HS2ST1: variants seen among roughly 807,000 people sequenced by gnomAD.
The protein encoded by HS2ST1 is 2-O-sulfotransferase.
HS2ST1 carries 18 observed loss-of-function variants against 42.9 expected under a neutral mutation model. The observed-to-expected ratio is 0.42, with a 90% CI of 0.29 to 0.62. HS2ST1 has a LOEUF of 0.62. HS2ST1 is among the 20% of genes least tolerant of loss of function. The probability of loss-of-function intolerance (pLI) is 0.21; values close to 1 mark genes in which losing one functional copy is unlikely to be tolerated. For synonymous variants in HS2ST1, 146 were observed against 152.9 expected (o/e 0.95, Z 0.33); for missense variants, 334 against 433.8 (o/e 0.77, Z 2.04).
At chr1:87,021,802 C>T (rs1456575419) in intron 1 of HS2ST1, among the ~76,000 whole-genome samples, 1 of 152,146 alleles carries the variant, frequency 6.6e-6, no homozygotes, top group Non-Finnish European at 1.5e-5. Flanking sequence ...AGGCATGAGC[C>T]ACCAAGCCAA....
intron 1 of HS2ST1, among the ~76,000 whole-genome samples, chr1:86,964,456 C>T (rs1010216491): frequency 3.3e-5 from 5 of 152,194 alleles, no homozygotes; most frequent in Non-Finnish European, 5.9e-5. Flanking sequence ...GCCAACACAG[C>T]GAAACCCCGT....
At chr1:86,918,303 CT>C (rs1161182713) in intron 1 of HS2ST1, among the ~76,000 whole-genome samples, 6 of 151,850 alleles carry the variant, frequency 4.0e-5, no homozygotes, top group Non-Finnish European at 4.4e-5. Flanking sequence ...ATGCGGCTTG[CT>C]TTTTTTGCCT....
chr1:87,057,848 C>T (rs535771794), intron 1 of HS2ST1, among the ~76,000 whole-genome samples: 1 of 151,032 alleles, frequency 6.6e-6, no homozygotes, highest in South Asian at 2.1e-4. Flanking sequence ...GAGACTCTGT[C>T]TCAAAAAAAG....
chr1:87,011,897 C>A (rs1346689354), intron 1 of HS2ST1, among the ~76,000 whole-genome samples: 2 of 152,164 alleles, frequency 1.3e-5, no homozygotes. Flanking sequence ...ATAGCTAGGA[C>A]ATACGGTTTT....
rs1054798268 is a variant in HS2ST1 at position 87,038,928 on chromosome 1, T to A, written c.125-34006T>A. ...AGCTTTGAGTATATTGCCGTTTTTT[T>A]AAAAAAGTAATCTATAATTTTAATA... On this transcript the variant is annotated intron_variant, in intron 1 of 6. Transcript: ENST00000370550. Among the ~76,000 whole-genome samples, 12 of 152,146 alleles carry A rather than the reference T, an allele frequency of 7.9e-5. 1 individual carries two copies. Among genetic ancestry groups the A allele is most frequent in the South Asian group, 2.1e-4 (1 of 4,836 alleles).
chr1:87,087,157 A>G (rs983630803), intron 3 of HS2ST1, among the ~76,000 whole-genome samples: 11 of 152,074 alleles, frequency 7.2e-5, no homozygotes, highest in African/African-American at 1.9e-4. Context: ...AATAGCATCT[A>G]TTAGCCCATT....
chr1:87,001,583 CTG>C (rs939673388), intron 1 of HS2ST1, among the ~76,000 whole-genome samples: 127 of 152,274 alleles, frequency 8.3e-4, no homozygotes, highest in African/African-American at 3.0e-3. Context: ...TTTAAAAAGA[CTG>C]TTTATGAAAA....
intron 1 of HS2ST1, among the ~76,000 whole-genome samples, chr1:87,058,439 A>G (rs1651031666): frequency 6.6e-6 from 1 of 151,400 alleles, no homozygotes; most frequent in Non-Finnish European, 1.5e-5. Flanking sequence ...AGCTAAGTGC[A>G]CTGTTTTGTT....
chr1:87,015,725 A>G (rs1649735729), intron 1 of HS2ST1, among the ~76,000 whole-genome samples: 1 of 152,132 alleles, frequency 6.6e-6, no homozygotes, highest in African/African-American at 2.4e-5. Flanking sequence ...CTTACTTTAC[A>G]TTTCTGGTTT....
chr1:86,937,211 G>T (rs1257862993), intron 1 of HS2ST1, among the ~76,000 whole-genome samples: 1 of 152,116 alleles, frequency 6.6e-6, no homozygotes, highest in African/African-American at 2.4e-5. Context: ...TATCAAAATT[G>T]TATGTTTATA....
chr1:86,998,722 A>G (rs1182695096), intron 1 of HS2ST1, among the ~76,000 whole-genome samples: 2 of 152,150 alleles, frequency 1.3e-5, no homozygotes, highest in Admixed American at 1.3e-4. Flanking sequence ...TGTTTAAAGC[A>G]TTTTCTATTG....
intron 1 of HS2ST1, among the ~76,000 whole-genome samples, chr1:86,962,895 C>T (rs530235272): frequency 1.3e-5 from 2 of 152,166 alleles, no homozygotes; most frequent in South Asian, 4.2e-4. Context: ...TCAGTAAGTT[C>T]CATAAGTGAA....
At chr1:87,063,870 T>C (rs1310320597) in intron 1 of HS2ST1, among the ~76,000 whole-genome samples, 2 of 152,192 alleles carry the variant, frequency 1.3e-5, no homozygotes, top group African/African-American at 4.8e-5. Context: ...GAATAAGTAT[T>C]TTATAGAAAC....
chr1:87,025,786 G>A (rs1399063914), intron 1 of HS2ST1, among the ~76,000 whole-genome samples: 4 of 151,954 alleles, frequency 2.6e-5, no homozygotes, highest in Non-Finnish European at 5.9e-5. Context: ...TGAATCTCTA[G>A]GAAACCTTTT....
chr1:87,072,952 A>T lies in HS2ST1; in HGVS notation c.143A>T (p.His48Leu), dbSNP rs983091583. The T allele has an allele frequency of 1.2e-6, 2 of 1,613,978 alleles. No individual in the cohort carries two copies. The highest frequency in any genetic ancestry group is 1.3e-5 in the African/African-American group (1 of 75,056). The change falls in exon 2 of 7, where the codon CAC becomes CTC. Residue 48 changes from histidine to leucine, a missense_variant. His to Leu is a moderately conservative substitution (Grantham distance 99, BLOSUM62 -3). Coordinates refer to ENST00000370550, the MANE Select transcript of HS2ST1 (RefSeq NM_012262.4). ...RSKLERAIARHEVREIEQRHT... is the reference protein window; with the variant it reads ...RSKLERAIARLEVREIEQRHT... ...TTTCCAGAAAGGGCTATTGCAAGAC[A>T]CGAAGTCCGAGAAATTGAGCAGCGA...
At chr1:87,018,387 G>A (rs911962659) in intron 1 of HS2ST1, among the ~76,000 whole-genome samples, 1 of 152,148 alleles carries the variant, frequency 6.6e-6, no homozygotes, top group Non-Finnish European at 1.5e-5. Flanking sequence ...ATGGTCATCT[G>A]CACTCAATGG....
chr1:86,986,685 AG>A (rs1224687330), intron 1 of HS2ST1, among the ~76,000 whole-genome samples: 19 of 152,118 alleles, frequency 1.2e-4, no homozygotes, highest in Admixed American at 9.2e-4. Flanking sequence ...AGGATGGAGG[AG>A]TGGGAAGCAT....
At chr1:86,958,919 A>G (rs564130060) in intron 1 of HS2ST1, among the ~76,000 whole-genome samples, 6 of 152,336 alleles carry the variant, frequency 3.9e-5, no homozygotes, top group African/African-American at 1.4e-4. Flanking sequence ...CCAGGTATGC[A>G]AGGCTGGTTC....
chr1:86,949,309 A>G (rs1647433035), intron 1 of HS2ST1, among the ~76,000 whole-genome samples: 1 of 152,180 alleles, frequency 6.6e-6, no homozygotes, highest in South Asian at 2.1e-4. Context: ...GGGTTTCGCC[A>G]TGTTGGCCAG....
Sources: allele counts gnomAD v4.1 joint callset (sites outside exome capture counted in the v4.1 genomes callset), GRCh38; gene constraint gnomAD v4.1.1; transcripts MANE v1.5; gene names NCBI Gene and HGNC (gene_info 2026-07-23, HGNC 2026-07-21).